The following LGR6 variants were observed in gnomAD, a reference collection of about 807,000 sequenced individuals.
LGR6 encodes leucine-rich repeat-containing G protein-coupled receptor 6.
LGR6 carries 45 observed loss-of-function variants against 69.4 expected under a neutral mutation model. That is an observed-to-expected ratio of 0.65 (90% CI 0.51 to 0.83). LGR6 has a LOEUF of 0.83. Ranked by LOEUF, LGR6 falls within the 40% of genes least tolerant of loss-of-function variation. The probability of loss-of-function intolerance (pLI) is 0.00; values close to 1 mark genes in which losing one functional copy is unlikely to be tolerated. For missense variants in LGR6, 1,108 were observed against 1,246.7 expected (o/e 0.89, Z 1.68); for synonymous variants, 538 against 555.0 (o/e 0.97, Z 0.43).
At chr1:202,254,563 T>C (rs1439601750) in intron 4 of LGR6, among the ~76,000 whole-genome samples, 1 of 152,240 alleles carries the variant, frequency 6.6e-6, no homozygotes, top group Non-Finnish European at 1.5e-5. Context: ...TGTTGTACAC[T>C]TCCCCATGCC....
intron 1 of LGR6, among the ~76,000 whole-genome samples, chr1:202,212,739 GC>G (rs1367940039): frequency 6.6e-6 from 1 of 152,178 alleles, no homozygotes; most frequent in African/African-American, 2.4e-5. Flanking sequence ...ATCTGCAAAG[GC>G]CGTTTTTTCA....
rs529066439 is a variant in LGR6, at chr1:202,262,249, A to G, written c.429-14057A>G. On this transcript the variant is annotated intron_variant, in intron 4 of 17. Coordinates refer to ENST00000367278, the MANE Select transcript of LGR6 (RefSeq NM_001017403.2). Reference sequence around the variant, plus strand: ...CATTTAAGTCTTTAATCCATCTTGAATTAATTTTTGTATAAGGTGTAAGGA... The same window carrying G: ...CATTTAAGTCTTTAATCCATCTTGAGTTAATTTTTGTATAAGGTGTAAGGA... Among the ~76,000 whole-genome samples, 10 of 152,170 alleles carry G rather than the reference A, an allele frequency of 6.6e-5. No individual in the cohort carries two copies. The East Asian group carries it at 1.7e-3, about 26-fold the overall frequency.
At chr1:202,225,665 A>G (rs76547529) in intron 2 of LGR6, among the ~76,000 whole-genome samples, 171 bp downstream of exon 2, 2,240 of 152,202 alleles carry the variant, frequency 0.015, 59 homozygotes, top group African/African-American at 0.052. Context: ...GTGTGAATTG[A>G]CATGCTGGGC....
Position 202,306,553 on chromosome 1 carries a change from G to C in LGR6, c.1137-315G>C, listed in dbSNP as rs547476235. 1.3e-5 allele frequency among the ~76,000 whole-genome samples: 2 copies of C among 152,322 alleles called. 1 individual carries two copies. Among genetic ancestry groups the C allele is most frequent in the South Asian group, 4.1e-4 (2 of 4,828 alleles). On this transcript the variant is annotated intron_variant, in intron 12 of 17. Coordinates refer to ENST00000367278, the MANE Select transcript of LGR6 (RefSeq NM_001017403.2). Reference sequence around the variant, plus strand: ...GTGCTCTGCTTCTGGGCTAGGGTCTGGAGGACCCATGGTGATGGGAGGTGT... The same window carrying C: ...GTGCTCTGCTTCTGGGCTAGGGTCTCGAGGACCCATGGTGATGGGAGGTGT...
At chr1:202,279,568 A>G (rs1014397857) in intron 5 of LGR6, among the ~76,000 whole-genome samples, 6 of 152,204 alleles carry the variant, frequency 3.9e-5, no homozygotes, top group Non-Finnish European at 8.8e-5. Context: ...TCCTGGAACA[A>G]TGTATGCTTT....
At chr1:202,214,273 TTCCACAGGTCC>T (rs1659608768) in intron 1 of LGR6, 1 of 1,511,044 alleles carries the variant, frequency 6.6e-7, no homozygotes, top group Admixed American at 2.4e-5. Context: ...CTCCGGAAAG[TTCCACAGGTCC>T]TCCGCAGCCC....
At chr1:202,276,205 C>A in intron 4 of LGR6, 101 bp from the exon 5 acceptor site, 1 of 875,510 alleles carries the variant, frequency 1.1e-6, no homozygotes. Flanking sequence ...TCCCAGGGAG[C>A]CTCAAAGGCC....
intron 4 of LGR6, among the ~76,000 whole-genome samples, chr1:202,258,072 A>G (rs1162919873): frequency 6.6e-6 from 1 of 152,106 alleles, no homozygotes; most frequent in Non-Finnish European, 1.5e-5. Flanking sequence ...TATTGATGCT[A>G]TTTTAAGTGG....
intron 1 of LGR6, among the ~76,000 whole-genome samples, chr1:202,204,523 AAAC>A (rs1558003751): frequency 8.7e-3 from 18 of 2,060 alleles, no homozygotes; most frequent in East Asian, 0.029. Flanking sequence ...ACACACCTCC[AAAC>A]ACACACACCT....
intron 6 of LGR6, among the ~76,000 whole-genome samples, chr1:202,287,677 G>C (rs2148208045): frequency 6.6e-6 from 1 of 152,090 alleles, no homozygotes; most frequent in East Asian, 1.9e-4. Context: ...AGTTACTCAG[G>C]CCCAAACCTT....
intron 3 of LGR6, among the ~76,000 whole-genome samples, chr1:202,229,251 C>G (rs1336956212): frequency 1.3e-5 from 2 of 152,184 alleles, no homozygotes; most frequent in Admixed American, 1.3e-4. Flanking sequence ...CTTTCCCTTA[C>G]TCTCTGCTCT....
chr1:202,231,132 A>G (rs1006756621), intron 3 of LGR6, among the ~76,000 whole-genome samples: 1 of 152,128 alleles, frequency 6.6e-6, no homozygotes, highest in Non-Finnish European at 1.5e-5. Flanking sequence ...AGTGGCTGGG[A>G]GTTAGCATCT....
intron 1 of LGR6, among the ~76,000 whole-genome samples, chr1:202,220,092 C>T (rs2147937423): frequency 6.6e-6 from 1 of 152,248 alleles, no homozygotes; most frequent in East Asian, 1.9e-4. Flanking sequence ...TTTGGCCAGG[C>T]TGGTCTCGAA....
At position 202,204,696 on chromosome 1, in the gene LGR6, A is replaced by AACACAC. The variant is rs775629857; in HGVS notation, c.212+10504_212+10509dup. 4.1e-3 allele frequency among the ~76,000 whole-genome samples: 16 copies of AACACAC among 3,874 alleles called. 1 individual carries two copies. The highest frequency in any genetic ancestry group is 0.013 in the African/African-American group (16 of 1,214). The allele number at this position is 3,874 out of a possible 152,430, so 2.5% of individuals were successfully genotyped here. On this transcript the variant is annotated intron_variant, in intron 1 of 17. Coordinates refer to ENST00000367278, the MANE Select transcript of LGR6 (RefSeq NM_001017403.2). ...GCCTCCAAACACACACACACCCCCA[A>AACACAC]ACACACACACACACCTAACACACAC...
rs775637496 is a variant in LGR6 at position 202,276,307 on chromosome 1, C to T, written c.430C>T (p.Arg144Cys). 17 of 1,612,570 alleles carry T rather than the reference C, an allele frequency of 1.1e-5. No homozygotes were observed. The highest frequency in any genetic ancestry group is 3.3e-5 in the Admixed American group (2 of 59,974). ...CCTCTCCATCCTCTCTTCCACCAGG[C>T]GCCTAGATGCCAACCTCATCTCCCT... ...LWELPSLQSL[R>C]LDANLISLVP... Residue 144 changes from arginine to cysteine, a missense_variant and splice_region_variant, in exon 5 of 18, where the codon CGC (arginine) becomes TGC (cysteine). Physicochemically the swap from Arg to Cys is radical, Grantham distance 180. Coordinates refer to ENST00000367278, the MANE Select transcript of LGR6 (RefSeq NM_001017403.2).
rs1664868528 is a variant in LGR6 at position 202,268,679 on chromosome 1, A to G, written c.429-7627A>G. Among the ~76,000 whole-genome samples, 3 of 152,154 alleles carry G rather than the reference A, an allele frequency of 2.0e-5. No individual in the cohort carries two copies. Among genetic ancestry groups the G allele is most frequent in the Admixed American group, 6.5e-5 (1 of 15,274 alleles). On this transcript the variant is annotated intron_variant, in intron 4 of 17. Coordinates refer to ENST00000367278, the MANE Select transcript of LGR6 (RefSeq NM_001017403.2). The surrounding 1 kb of genome is among the most constrained non-coding windows in gnomAD (Gnocchi z 4.4). ...GCAAACAATCAGTAATCCTGTGTCA[A>G]ATGAACTGTCTTTGTCCTCAAGGTA...
chr1:202,203,306 G>A (rs866259761), intron 1 of LGR6, among the ~76,000 whole-genome samples: 2 of 152,182 alleles, frequency 1.3e-5, no homozygotes, highest in Middle Eastern at 3.2e-3. Context: ...TGAATCCAGT[G>A]TGAGGATTCT....
intron 4 of LGR6, among the ~76,000 whole-genome samples, chr1:202,270,020 A>G (rs1009780852): frequency 2.0e-5 from 3 of 152,196 alleles, no homozygotes; most frequent in Admixed American, 2.0e-4. Context: ...CTGGTAGGAT[A>G]TAAGATGGAT....
chr1:202,199,903 T>C (rs1658780283), intron 1 of LGR6, among the ~76,000 whole-genome samples: 2 of 152,250 alleles, frequency 1.3e-5, no homozygotes, highest in Admixed American at 1.3e-4. Context: ...TATAAGGGCT[T>C]ACAAAATGTT....
Sources: allele counts gnomAD v4.1 joint callset (sites outside exome capture counted in the v4.1 genomes callset), GRCh38; gene constraint gnomAD v4.1.1; non-coding constraint Gnocchi (gnomAD v3.1); transcripts MANE v1.5; gene names NCBI Gene and HGNC (gene_info 2026-07-23, HGNC 2026-07-21).